Variants in TIMP2 observed in about 807,000 individuals in gnomAD.
TIMP2 encodes the protein TIMP metallopeptidase inhibitor 2, also known as metalloproteinase inhibitor 2.
In TIMP2, 5 loss-of-function variants were observed where a neutral mutation model predicts 24.3. That is an observed-to-expected ratio of 0.21 (90% confidence interval 0.11 to 0.43). The LOEUF (loss-of-function observed/expected upper bound fraction) is 0.43, where lower values mean the gene tolerates loss of function less well. Ranked by LOEUF, TIMP2 falls within the 20% of genes least tolerant of loss-of-function variation. The pLI, the probability that TIMP2 is intolerant of heterozygous loss-of-function variation, is 1.00. For missense variants in TIMP2, 221 were observed against 297.5 expected (o/e 0.74, Z 1.89); for synonymous variants, 130 against 123.2 (o/e 1.06, Z -0.37).
intron 1 of TIMP2, among the ~76,000 whole-genome samples, chr17:78,912,101 A>G (rs2070214307): frequency 1.3e-5 from 2 of 152,072 alleles, no homozygotes; most frequent in Non-Finnish European, 2.9e-5. Flanking sequence ...ACCACACTGA[A>G]GAGTCTGATC....
At chr17:78,917,130 T>C (rs1422430443) in intron 1 of TIMP2, among the ~76,000 whole-genome samples, 1 of 151,596 alleles carries the variant, frequency 6.6e-6, no homozygotes, top group Non-Finnish European at 1.5e-5. Flanking sequence ...CGGGCGCCTG[T>C]AGTCCCAGCT....
chr17:78,897,626 CAGG>C (rs2070023817), intron 1 of TIMP2: 1 of 152,324 alleles, frequency 6.6e-6, no homozygotes, highest in African/African-American at 2.4e-5. Context: ...GTTGTATCCC[CAGG>C]AGAAGGACCC....
In TIMP2 at chr17:78,855,611, G is replaced by T; in HGVS notation, c.*56C>A. ...AGGAAGGGATGTCAGAGCTGGACCA[G>T]TCGAAACCCTTGGAGGCTTTTTTTG... is the stretch of plus-strand genomic sequence containing the variant. On this transcript the variant is annotated 3_prime_UTR_variant, in exon 5 of 5. Coordinates refer to ENST00000262768, the MANE Select transcript of TIMP2 (RefSeq NM_003255.5). The surrounding 1 kb of genome is among the most constrained non-coding windows in gnomAD (Gnocchi z 6.0). 1 of 1,590,752 alleles carries T rather than the reference G, an allele frequency of 6.3e-7. No individual in the cohort carries two copies. Among genetic ancestry groups the T allele is most frequent in the Non-Finnish European group, 8.6e-7 (1 of 1,167,286 alleles).
chr17:78,880,409 C>T (rs1006845991), intron 1 of TIMP2, among the ~76,000 whole-genome samples: 3 of 152,092 alleles, frequency 2.0e-5, no homozygotes, highest in South Asian at 2.1e-4. Context: ...CTCGAAAGGC[C>T]GGGTGCAGTG....
At chr17:78,894,712 G>A (rs1236059806) in intron 1 of TIMP2, among the ~76,000 whole-genome samples, 1 of 152,012 alleles carries the variant, frequency 6.6e-6, no homozygotes, top group South Asian at 2.1e-4. Flanking sequence ...AGAAAACGTA[G>A]GTGTATATTC....
chr17:78,855,835 G>A lies in TIMP2; in HGVS notation c.495C>T (p.Tyr165=), dbSNP rs2069521030. ...AGAGGCACTCGTCCGGGGAGGAGAT[G>A]TAGCACGGGATCATGGGGCAGCGCG... ...KITRCPMIPC[Y]ISSPDECLWM... is the part of the protein sequence containing the mutation. Residue 165 remains tyrosine (Y), a synonymous_variant, in exon 5 of 5, where the codon TAC becomes TAT. Coordinates refer to ENST00000262768, the MANE Select transcript of TIMP2 (RefSeq NM_003255.5). The surrounding 1 kb of genome is among the most constrained non-coding windows in gnomAD (Gnocchi z 6.0). 6.2e-7 allele frequency: 1 copy of A among 1,614,116 alleles called. No homozygotes were observed. Among genetic ancestry groups the A allele is most frequent in the Non-Finnish European group, 8.5e-7 (1 of 1,180,002 alleles).
At chr17:78,912,224 C>T (rs1277745811) in intron 1 of TIMP2, among the ~76,000 whole-genome samples, 1 of 152,176 alleles carries the variant, frequency 6.6e-6, no homozygotes, top group Non-Finnish European at 1.5e-5. Flanking sequence ...TTTCATGTCG[C>T]CTCTTTTCTC....
At chr17:78,914,255 CTATTCATTTATTTATT>C (rs113381742) in intron 1 of TIMP2, among the ~76,000 whole-genome samples, 4,746 of 106,642 alleles carry the variant, frequency 0.045, 175 homozygotes, top group African/African-American at 0.1. Flanking sequence ...GAAATTTTGG[CTATTCATTTATTTATT>C]TATTTATTTA....
intron 1 of TIMP2, among the ~76,000 whole-genome samples, chr17:78,889,259 G>C (rs1170223299): frequency 1.3e-5 from 2 of 152,234 alleles, no homozygotes; most frequent in Non-Finnish European, 1.5e-5. Flanking sequence ...AAGCTACCCA[G>C]TGTGAGGTCT....
At chr17:78,917,881 G>C (rs1954324968) in intron 1 of TIMP2, among the ~76,000 whole-genome samples, 1 of 152,140 alleles carries the variant, frequency 6.6e-6, no homozygotes, top group African/African-American at 2.4e-5. Context: ...GGAGAGAAAG[G>C]CAAGATCGTT....
chr17:78,904,732 G>A (rs2070141884), intron 1 of TIMP2: 1 of 152,246 alleles, frequency 6.6e-6, no homozygotes, highest in Admixed American at 6.5e-5. Flanking sequence ...ATCTGAACCG[G>A]GGGACTGAGT....
At chr17:78,922,445 A>C (rs1248891934) in intron 1 of TIMP2, 2 of 152,180 alleles carry the variant, frequency 1.3e-5, no homozygotes, top group Non-Finnish European at 2.9e-5. Context: ...TTGGAAATAG[A>C]GTATTTGTTG....
chr17:78,923,848 G>A (rs1235802089), intron 1 of TIMP2, among the ~76,000 whole-genome samples: 1 of 152,208 alleles, frequency 6.6e-6, no homozygotes, highest in Non-Finnish European at 1.5e-5. Context: ...GGAAGGGCGT[G>A]GCTGACAGCA....
chr17:78,872,286 C>T (rs905171171), intron 2 of TIMP2, among the ~76,000 whole-genome samples: 3 of 152,054 alleles, frequency 2.0e-5, no homozygotes, highest in South Asian at 2.1e-4. Flanking sequence ...TCACTCCACC[C>T]AACCTATATT....
At chr17:78,916,308 C>T (rs149309061) in intron 1 of TIMP2, among the ~76,000 whole-genome samples, 143 of 152,298 alleles carry the variant, frequency 9.4e-4, no homozygotes, top group Admixed American at 2.5e-3. Flanking sequence ...AATGTCAGTT[C>T]CCCTCGCTAC....
At chr17:78,889,852 G>A (rs1599158379) in intron 1 of TIMP2, among the ~76,000 whole-genome samples, 1 of 152,216 alleles carries the variant, frequency 6.6e-6, no homozygotes. Flanking sequence ...AGGCGCGGTG[G>A]CTCAAGTCTG....
chr17:78,918,056 G>GCACAAA (rs1568009272), intron 1 of TIMP2, among the ~76,000 whole-genome samples: 3 of 53,214 alleles, frequency 5.6e-5, no homozygotes, highest in Non-Finnish European at 1.2e-4. Flanking sequence ...ACGTACGCGT[G>GCACAAA]CACACACAAA....
chr17:78,859,221 G>A lies in TIMP2; in HGVS notation c.341-1575C>T, dbSNP rs80006478. On this transcript the variant is annotated intron_variant, in intron 3 of 4. Transcript: ENST00000262768. ...AGCTGTGGCTTCTTTCTGTACTTCC[G>A]GCTCCTGACTCAGCTGCCTCCTTCC... 1.1e-4 allele frequency among the ~76,000 whole-genome samples: 17 copies of A among 152,180 alleles called. 1 individual carries two copies. In the East Asian group the frequency reaches 1.7e-3, roughly 16 times the overall value.
At chr17:78,913,610 C>T (rs151066426) in intron 1 of TIMP2, among the ~76,000 whole-genome samples, 267 of 152,126 alleles carry the variant, frequency 1.8e-3, no homozygotes, top group African/African-American at 6.1e-3. Context: ...ACTTGAGAAG[C>T]TGAGGTAGGA....
Sources: gnomAD v4.1 joint callset for allele counts (sites outside exome capture counted in the v4.1 genomes callset) on GRCh38, gnomAD v4.1.1 for gene constraint, Gnocchi (gnomAD v3.1) non-coding constraint, MANE v1.5 for transcripts, NCBI Gene and HGNC (gene_info 2026-07-23, HGNC 2026-07-21) for gene names.